The following EXOC2 variants were observed in gnomAD, a reference collection of about 807,000 sequenced individuals.
EXOC2 encodes the protein exocyst complex component 2.
EXOC2 carries 70 observed loss-of-function variants against 131.8 expected under a neutral mutation model. The ratio of observed to expected loss-of-function variants is 0.53; its 90% CI spans 0.44 to 0.65. The LOEUF (loss-of-function observed/expected upper bound fraction) is 0.65, where lower values mean the gene tolerates loss of function less well. EXOC2 is among the 30% of genes least tolerant of loss of function. The pLI, the probability that EXOC2 is intolerant of heterozygous loss-of-function variation, is 0.00. For synonymous variants in EXOC2, 411 were observed against 398.4 expected, an observed-to-expected ratio of 1.03 and a Z score of -0.38; for missense variants, 923 against 1,108.6, an observed-to-expected ratio of 0.83 and a Z score of 2.38.
chr6:646,278 T>C (rs926463764), intron 1 of EXOC2, among the ~76,000 whole-genome samples: 3 of 151,668 alleles, frequency 2.0e-5, no homozygotes, highest in African/African-American at 7.3e-5. Flanking sequence ...AGTCAAGGAA[T>C]GATGCCTCAT....
At chr6:692,255 C>A (rs1451959663) in intron 1 of EXOC2, among the ~76,000 whole-genome samples, 1 of 152,236 alleles carries the variant, frequency 6.6e-6, no homozygotes, top group Admixed American at 6.5e-5. Context: ...TGACCTTTGG[C>A]AGATTAAAAA....
chr6:504,250 G>A (rs1034906506), intron 23 of EXOC2, among the ~76,000 whole-genome samples: 14 of 152,222 alleles, frequency 9.2e-5, no homozygotes, highest in Non-Finnish European at 1.8e-4. Flanking sequence ...CTGCGGCCTC[G>A]CAGTCTCTTC....
intron 23 of EXOC2, among the ~76,000 whole-genome samples, chr6:523,686 A>G (rs1053611675): frequency 6.6e-6 from 1 of 152,196 alleles, no homozygotes; most frequent in Non-Finnish European, 1.5e-5. Flanking sequence ...TCTTTTAAAA[A>G]AATTGTTTGT....
At chr6:681,475 G>T (rs551483227) in intron 1 of EXOC2, among the ~76,000 whole-genome samples, 1 of 152,096 alleles carries the variant, frequency 6.6e-6, no homozygotes, top group African/African-American at 2.4e-5. Context: ...CCCCACCAAA[G>T]AAGTATTTTA....
chr6:583,442 A>G (rs1759024560), intron 11 of EXOC2, among the ~76,000 whole-genome samples: 1 of 152,224 alleles, frequency 6.6e-6, no homozygotes, highest in South Asian at 2.1e-4. Context: ...TGTGATCTAA[A>G]AAAGATTATT....
At chr6:502,794 T>G (rs1418442074) in intron 23 of EXOC2, among the ~76,000 whole-genome samples, 1 of 152,072 alleles carries the variant, frequency 6.6e-6, no homozygotes, top group Non-Finnish European at 1.5e-5. Flanking sequence ...AGATTTTATC[T>G]TTTTGAATGA....
intron 17 of EXOC2, among the ~76,000 whole-genome samples, chr6:559,592 T>C (rs991359460): frequency 6.6e-6 from 1 of 152,204 alleles, no homozygotes; most frequent in Non-Finnish European, 1.5e-5. Flanking sequence ...TTATGTGGCT[T>C]GTGTGAGAGA....
intron 22 of EXOC2, among the ~76,000 whole-genome samples, chr6:535,351 C>T (rs1373600676): frequency 6.6e-6 from 1 of 151,968 alleles, no homozygotes; most frequent in Non-Finnish European, 1.5e-5. Flanking sequence ...GGTAACAGAG[C>T]AAGACCCTGT....
At chr6:640,196 TTTGG>T (rs1206773967) in intron 1 of EXOC2, among the ~76,000 whole-genome samples, 4 of 152,342 alleles carry the variant, frequency 2.6e-5, no homozygotes, top group Non-Finnish European at 5.9e-5. Context: ...TGTGTTCTTC[TTTGG>T]TTGGTCTAGT....
chr6:649,214 G>A (rs187044842), intron 1 of EXOC2, among the ~76,000 whole-genome samples: 48 of 152,330 alleles, frequency 3.2e-4, no homozygotes, highest in African/African-American at 1.1e-3. Flanking sequence ...TCTTTGGAAA[G>A]CATAGGGATA....
intron 1 of EXOC2, among the ~76,000 whole-genome samples, chr6:643,038 A>G (rs1184905770): frequency 1.3e-5 from 2 of 152,200 alleles, no homozygotes; most frequent in African/African-American, 2.4e-5. Context: ...GAGAGTTTAT[A>G]ATGATGAAAG....
intron 4 of EXOC2, among the ~76,000 whole-genome samples, chr6:621,643 C>T (rs947862262): frequency 6.6e-6 from 1 of 152,098 alleles, no homozygotes; most frequent in Non-Finnish European, 1.5e-5. Context: ...GGTGGCACCA[C>T]TTCCACCGAG....
At chr6:490,344 G>C (rs1763356987) in intron 26 of EXOC2, among the ~76,000 whole-genome samples, 2 of 152,182 alleles carry the variant, frequency 1.3e-5, no homozygotes, top group Admixed American at 6.5e-5. Flanking sequence ...CATCCTGTTA[G>C]TATGTTGTAC....
chr6:580,694 A>G (rs1758842123), intron 11 of EXOC2, among the ~76,000 whole-genome samples: 1 of 152,170 alleles, frequency 6.6e-6, no homozygotes, highest in East Asian at 1.9e-4. Context: ...CAGCTCACCG[A>G]GGCACTAACC....
intron 22 of EXOC2, among the ~76,000 whole-genome samples, chr6:540,162 C>T (rs998434325): frequency 6.6e-6 from 1 of 152,168 alleles, no homozygotes; most frequent in African/African-American, 2.4e-5. Flanking sequence ...ACCATGTTGG[C>T]CAGGCTCGTC....
rs1242328551 is a variant in EXOC2, at chr6:506,584, A to G, written c.2381-6884T>C. Among the ~76,000 whole-genome samples, 1 of 152,238 alleles carries G rather than the reference A, an allele frequency of 6.6e-6. No individual in the cohort carries two copies. Among genetic ancestry groups the G allele is most frequent in the Non-Finnish European group, 1.5e-5 (1 of 68,050 alleles). On this transcript the variant is annotated intron_variant, in intron 23 of 27. Transcript: ENST00000230449. This position sits in a 1 kb window ranked among gnomAD's most constrained non-coding sequence, Gnocchi z 4.4. ...GAAACAGTTTCTAAGCATTTACAAC[A>G]TGTATCTCCTCCACTGTCTGAATAT... is the stretch of plus-strand genomic sequence containing the variant.
At chr6:492,631 G>T (rs1332218792) in intron 25 of EXOC2, among the ~76,000 whole-genome samples, 1 of 152,172 alleles carries the variant, frequency 6.6e-6, no homozygotes, top group East Asian at 1.9e-4. Context: ...TACGCTACAT[G>T]AAAGAAGCCA....
intron 20 of EXOC2, 79 bp downstream of exon 20, chr6:555,148 T>C: frequency 1.3e-6 from 1 of 786,688 alleles, no homozygotes; most frequent in East Asian, 2.9e-5. Context: ...TCTTAGGATA[T>C]AAGACCAAGC....
intron 1 of EXOC2, among the ~76,000 whole-genome samples, chr6:676,537 A>G (rs9378462): frequency 2.6e-4 from 3 of 11,350 alleles, no homozygotes; most frequent in African/African-American, 2.6e-4. Flanking sequence ...ATACTCTTCA[A>G]CATTACGGAA....
Sources: gnomAD v4.1 joint callset for allele counts (sites outside exome capture counted in the v4.1 genomes callset) on GRCh38, gnomAD v4.1.1 for gene constraint, Gnocchi (gnomAD v3.1) non-coding constraint, MANE v1.5 for transcripts, NCBI Gene and HGNC (gene_info 2026-07-23, HGNC 2026-07-21) for gene names.